GABRG3: variants seen among roughly 807,000 people sequenced by gnomAD.
GABRG3 encodes gamma-aminobutyric acid type A receptor subunit gamma3, also known as gamma-aminobutyric acid receptor subunit gamma-3.
In GABRG3, 25 loss-of-function variants were observed where a neutral mutation model predicts 48.8. The observed-to-expected ratio is 0.51, with a 90% confidence interval of 0.37 to 0.72. GABRG3 has a LOEUF of 0.72. Among genes scored for constraint, GABRG3 ranks in the 30% least tolerant of loss-of-function variants. The pLI, the probability that GABRG3 is intolerant of heterozygous loss-of-function variation, is 0.00. For synonymous variants in GABRG3, 227 were observed against 217.6 expected (o/e 1.04, Z -0.38); for missense variants, 394 against 577.9 (o/e 0.68, Z 3.26).
chr15:27,275,358 G>T (rs1322860280), intron 3 of GABRG3, among the ~76,000 whole-genome samples: 1 of 152,068 alleles, frequency 6.6e-6, no homozygotes, highest in Admixed American at 6.6e-5. Flanking sequence ...TCCCATTCTG[G>T]CAGGGGGTAA....
intron 3 of GABRG3, among the ~76,000 whole-genome samples, chr15:27,072,525 T>C (rs1896845392): frequency 6.6e-6 from 1 of 152,154 alleles, no homozygotes; most frequent in Non-Finnish European, 1.5e-5. Flanking sequence ...TTTATTAGGG[T>C]ATGCTAATTG....
At chr15:27,134,021 C>G (rs927878739) in intron 3 of GABRG3, among the ~76,000 whole-genome samples, 59 of 152,286 alleles carry the variant, frequency 3.9e-4, no homozygotes, top group African/African-American at 1.4e-3. Context: ...ACCATGGCTC[C>G]TGATTCTTAA....
chr15:27,127,300 A>G (rs1344277748), intron 3 of GABRG3, among the ~76,000 whole-genome samples: 2 of 152,208 alleles, frequency 1.3e-5, no homozygotes, highest in Non-Finnish European at 1.5e-5. Context: ...ATGTGCTATA[A>G]TATGCATGAA....
chr15:27,503,712 CTT>C (rs1278708162), intron 6 of GABRG3, among the ~76,000 whole-genome samples: 2 of 152,184 alleles, frequency 1.3e-5, no homozygotes, highest in Non-Finnish European at 2.9e-5. Flanking sequence ...TTGTTCAAAT[CTT>C]TTGTGTTCTC....
chr15:26,975,566 G>A lies in GABRG3; in HGVS notation c.54-1436G>A, dbSNP rs2376481. 0.52 allele frequency among the ~76,000 whole-genome samples: 79,779 copies of A among 152,006 alleles called. 22,046 individuals are homozygous for A. Among genetic ancestry groups the A allele is most frequent in the African/African-American group, 0.71 (29,520 of 41,480 alleles). ...AGTCTACGTTATGGCTAGTTAACAC[G>A]CTTTAAAAGACTCATGTATATATTA... On this transcript the variant is annotated intron_variant, in intron 1 of 9. Transcript: ENST00000615808. This position sits in a 1 kb window ranked among gnomAD's most constrained non-coding sequence, Gnocchi z 4.6.
rs765981629 is a variant in GABRG3, at chr15:27,090,117, G to A, written c.270+63296G>A. Among the ~76,000 whole-genome samples the A allele has an allele frequency of 2.1e-4, 32 of 152,236 alleles. 1 individual carries two copies. The highest frequency in any genetic ancestry group is 2.9e-4 in the African/African-American group (12 of 41,530). ...TTACAATGGAGTGAGAGCACTACAC[G>A]CTCAGTAGAAACCATACTTTTGAGT... On this transcript the variant is annotated intron_variant, in intron 3 of 9. Coordinates refer to ENST00000615808, the MANE Select transcript of GABRG3 (RefSeq NM_033223.5).
chr15:27,428,099 G>T, intron 5 of GABRG3: 1 of 153,114 alleles, frequency 6.5e-6, no homozygotes, highest in South Asian at 2.0e-4. Context: ...ATGTTGCCCA[G>T]GCTGGTTTCA....
chr15:27,269,736 C>G (rs1566987809), intron 3 of GABRG3, among the ~76,000 whole-genome samples: 1 of 152,152 alleles, frequency 6.6e-6, no homozygotes. Context: ...CATAAGTCAG[C>G]TTGAAATCGG....
At chr15:27,217,909 G>A (rs1025802674) in intron 3 of GABRG3, among the ~76,000 whole-genome samples, 2 of 152,152 alleles carry the variant, frequency 1.3e-5, no homozygotes, top group African/African-American at 4.8e-5. Context: ...ATTGATGGGA[G>A]GAGGGTGAAC....
chr15:27,500,967 T>TC (rs1890611529), intron 6 of GABRG3, among the ~76,000 whole-genome samples: 1 of 150,252 alleles, frequency 6.7e-6, no homozygotes, highest in Non-Finnish European at 1.5e-5. Flanking sequence ...TTTTTTTTTT[T>TC]TTTGAGACGG....
intron 3 of GABRG3, among the ~76,000 whole-genome samples, chr15:27,133,923 A>G (rs1897963849): frequency 6.6e-6 from 1 of 152,232 alleles, no homozygotes; most frequent in South Asian, 2.1e-4. Flanking sequence ...AGGATTAAAC[A>G]TTTGAAGTTC....
intron 3 of GABRG3, among the ~76,000 whole-genome samples, chr15:27,117,839 T>C (rs1464366519): frequency 6.6e-6 from 1 of 152,224 alleles, no homozygotes; most frequent in East Asian, 1.9e-4. Flanking sequence ...AATGTGCTTA[T>C]ACATTGGCTC....
intron 5 of GABRG3, among the ~76,000 whole-genome samples, chr15:27,404,572 C>T (rs922596473): frequency 6.6e-6 from 1 of 152,204 alleles, no homozygotes; most frequent in Non-Finnish European, 1.5e-5. Flanking sequence ...GGTTAATGGA[C>T]ATTGTCTGCT....
rs1169973611 is a variant in GABRG3, at chr15:27,313,240, A to ATGTGTG, written c.271-13551_271-13546dup. On this transcript the variant is annotated intron_variant, in intron 3 of 9. Transcript: ENST00000615808. The stretch of plus-strand genomic sequence containing the variant: ...TGTATATATATACGTATATGTATAT[A>ATGTGTG]TGTGTGTGTGTGTGTGTGTGTGTAT... Among the ~76,000 whole-genome samples the ATGTGTG allele has an allele frequency of 8.7e-3, 493 of 56,804 alleles. 20 individuals carry two copies. The highest frequency in any genetic ancestry group is 0.011 in the Non-Finnish European group (322 of 28,658). The allele number at this position is 56,804 out of a possible 152,430, so 37.3% of individuals were successfully genotyped here.
rs756065602 is a variant in GABRG3, at chr15:27,179,334, A to T, written c.271-147475A>T. Among the ~76,000 whole-genome samples the T allele has an allele frequency of 6.6e-6, 1 of 152,174 alleles. No individual in the cohort carries two copies. The highest frequency in any genetic ancestry group is 2.4e-5 in the African/African-American group (1 of 41,450). ...ACATGTGGCCAATGCACTTTATCAT[A>T]TGTGTCCGTGAGAATAGCACATTAG... is the stretch of plus-strand genomic sequence containing the variant. On this transcript the variant is annotated intron_variant, in intron 3 of 9. Coordinates refer to ENST00000615808, the MANE Select transcript of GABRG3 (RefSeq NM_033223.5). This position sits in a 1 kb window ranked among gnomAD's most constrained non-coding sequence, Gnocchi z 4.0.
At chr15:27,165,040 G>C (rs1405528040) in intron 3 of GABRG3, among the ~76,000 whole-genome samples, 2 of 152,230 alleles carry the variant, frequency 1.3e-5, no homozygotes, top group East Asian at 3.9e-4. Flanking sequence ...AAGACATTTA[G>C]GATGGCAAAA....
intron 5 of GABRG3, among the ~76,000 whole-genome samples, chr15:27,369,658 T>C (rs2140554510): frequency 6.6e-6 from 1 of 151,672 alleles, no homozygotes; most frequent in Non-Finnish European, 1.5e-5. Flanking sequence ...ATACAAAAAA[T>C]TAACCAGACG....
At chr15:27,465,520 T>G (rs1889579913) in intron 5 of GABRG3, among the ~76,000 whole-genome samples, 1 of 152,190 alleles carries the variant, frequency 6.6e-6, no homozygotes, top group East Asian at 1.9e-4. Context: ...CATTTAAAAG[T>G]CAGGAGATTT....
At chr15:27,388,369 AAAGGAAGG>A (rs1229639979) in intron 5 of GABRG3, among the ~76,000 whole-genome samples, 4 of 31,878 alleles carry the variant, frequency 1.3e-4, no homozygotes, top group East Asian at 2.4e-3. Flanking sequence ...AGGAAGGAAG[AAAGGAAGG>A]AAGGAAGGAA....
Sources: gnomAD v4.1 joint callset for allele counts (sites outside exome capture counted in the v4.1 genomes callset) on GRCh38, gnomAD v4.1.1 for gene constraint, Gnocchi (gnomAD v3.1) non-coding constraint, MANE v1.5 for transcripts, NCBI Gene and HGNC (gene_info 2026-07-23, HGNC 2026-07-21) for gene names.